SLC4A4: variants seen among roughly 807,000 people sequenced by gnomAD.
The protein encoded by SLC4A4 is electrogenic sodium bicarbonate cotransporter 1.
SLC4A4 carries 27 observed loss-of-function variants against 111.5 expected under a neutral mutation model. The ratio of observed to expected loss-of-function variants is 0.24; its 90% CI spans 0.18 to 0.33. SLC4A4 has a LOEUF of 0.33. SLC4A4 is among the 10% of genes least tolerant of loss of function. SLC4A4 has a pLI of 1.00. For synonymous variants in SLC4A4, 443 were observed against 463.4 expected, an observed-to-expected ratio of 0.96 and a Z score of 0.57; for missense variants, 909 against 1,315.5, an observed-to-expected ratio of 0.69 and a Z score of 4.78.
intron 2 of SLC4A4, among the ~76,000 whole-genome samples, chr4:71,136,014 G>T (rs953244566): frequency 6.6e-6 from 1 of 152,184 alleles, no homozygotes; most frequent in Non-Finnish European, 1.5e-5. Flanking sequence ...CTCTCCTAGA[G>T]GTTCATAGTG....
intron 17 of SLC4A4, 25 bp from the exon 18 acceptor site, chr4:71,534,202 A>G (rs760138923): frequency 1.9e-6 from 3 of 1,612,490 alleles, no homozygotes; most frequent in South Asian, 1.1e-5. Context: ...TAATTTTCTG[A>G]AAAATGTCAT....
intron 2 of SLC4A4, among the ~76,000 whole-genome samples, chr4:71,106,867 T>G (rs1742941906): frequency 6.7e-6 from 1 of 149,938 alleles, no homozygotes; most frequent in African/African-American, 2.5e-5. Context: ...GGCACATGTA[T>G]ACATATGTAA....
chr4:71,416,312 A>AT (rs1287899550), intron 7 of SLC4A4, among the ~76,000 whole-genome samples: 1 of 152,206 alleles, frequency 6.6e-6, no homozygotes, highest in Non-Finnish European at 1.5e-5. Context: ...ATATACTGTG[A>AT]TTTTTCATAT....
At chr4:71,458,637 A>G (rs1010462596) in intron 12 of SLC4A4, among the ~76,000 whole-genome samples, 21 of 152,160 alleles carry the variant, frequency 1.4e-4, no homozygotes, top group African/African-American at 5.1e-4. Context: ...CAAATTTGAG[A>G]CTTTATTTTA....
chr4:71,337,227 G>T lies in SLC4A4; in HGVS notation c.254-2143G>T, dbSNP rs565382753. Reference sequence around the variant, plus strand: ...CTGAAATTTGAACTGTATTGTTAGGGACTATGTTATTTAATCTAAATTGTG... The same window carrying T: ...CTGAAATTTGAACTGTATTGTTAGGTACTATGTTATTTAATCTAAATTGTG... On this transcript the variant is annotated intron_variant, in intron 3 of 25. Coordinates refer to ENST00000264485, the MANE Select transcript of SLC4A4 (RefSeq NM_001098484.3). 5.9e-5 allele frequency among the ~76,000 whole-genome samples: 9 copies of T among 152,204 alleles called. No individual in the cohort carries two copies. In the East Asian group the frequency reaches 1.7e-3, roughly 29 times the overall value.
chr4:71,441,630 T>G (rs558430192), intron 8 of SLC4A4, among the ~76,000 whole-genome samples: 75 of 152,178 alleles, frequency 4.9e-4, no homozygotes, highest in African/African-American at 1.6e-3. Context: ...AGATGGATCC[T>G]CCTCAGCTCA....
intron 6 of SLC4A4, among the ~76,000 whole-genome samples, chr4:71,392,213 A>G (rs1480290708): frequency 2.0e-5 from 3 of 152,080 alleles, no homozygotes; most frequent in Non-Finnish European, 2.9e-5. Context: ...AAGGCTGATT[A>G]AACAGTGCGT....
chr4:71,488,626 C>A (rs940467484), intron 15 of SLC4A4, among the ~76,000 whole-genome samples: 2 of 151,666 alleles, frequency 1.3e-5, no homozygotes, highest in African/African-American at 4.8e-5. Context: ...GAGGGTAAAT[C>A]ACCTTTCTTG....
chr4:71,206,434 A>G (rs1717770898), intron 1 of SLC4A4, among the ~76,000 whole-genome samples: 1 of 152,172 alleles, frequency 6.6e-6, no homozygotes, highest in Admixed American at 6.6e-5. Context: ...ATGGCCCCCC[A>G]AAATGTTAAG....
At chr4:71,564,012 G>GAT in intron 24 of SLC4A4, 123 bp downstream of exon 24, 1 of 703,504 alleles carries the variant, frequency 1.4e-6, no homozygotes, top group Admixed American at 2.2e-5. Context: ...TCTATGAGAA[G>GAT]ATTTACACTT....
At chr4:71,475,087 A>G (rs1380633528) in intron 14 of SLC4A4, among the ~76,000 whole-genome samples, 3 of 151,932 alleles carry the variant, frequency 2.0e-5, no homozygotes, top group African/African-American at 2.4e-5. Context: ...TAATTTATAC[A>G]TAAATATATG....
chr4:71,089,039 A>C (rs931053454), intron 1 of SLC4A4, among the ~76,000 whole-genome samples: 2 of 152,070 alleles, frequency 1.3e-5, no homozygotes, highest in African/African-American at 4.8e-5. Flanking sequence ...CTTTCGGTAC[A>C]CCAGTCAGAG....
intron 3 of SLC4A4, among the ~76,000 whole-genome samples, chr4:71,275,943 G>A (rs1033749179): frequency 1.3e-5 from 2 of 152,224 alleles, no homozygotes; most frequent in African/African-American, 4.8e-5. Flanking sequence ...TCCACGAGAT[G>A]TGGCTGCCAG....
chr4:71,342,340 T>G (rs1210241818), intron 4 of SLC4A4, among the ~76,000 whole-genome samples: 1 of 152,224 alleles, frequency 6.6e-6, no homozygotes, highest in Non-Finnish European at 1.5e-5. Context: ...TTTCTTTTCC[T>G]TCTTTCTGAT....
At chr4:71,154,963 C>T (rs1744419215) in intron 2 of SLC4A4, among the ~76,000 whole-genome samples, 1 of 152,148 alleles carries the variant, frequency 6.6e-6, no homozygotes, top group South Asian at 2.1e-4. Flanking sequence ...TTATACATTA[C>T]CAAAGCTACA....
At chr4:71,361,204 A>G (rs1033768810) in intron 6 of SLC4A4, among the ~76,000 whole-genome samples, 8 of 152,298 alleles carry the variant, frequency 5.3e-5, no homozygotes, top group East Asian at 1.9e-4. Context: ...ACGCACGCAC[A>G]CGTTCATGTA....
At chr4:71,309,115 C>G (rs1274391402) in intron 3 of SLC4A4, among the ~76,000 whole-genome samples, 1 of 152,178 alleles carries the variant, frequency 6.6e-6, no homozygotes, top group African/African-American at 2.4e-5. Context: ...CTGGACGTAA[C>G]TCAACACAGC....
chr4:71,451,487 A>T (rs1200521583), intron 11 of SLC4A4, among the ~76,000 whole-genome samples, 186 bp downstream of exon 11: 19 of 152,200 alleles, frequency 1.2e-4, no homozygotes, highest in Non-Finnish European at 2.9e-5. Context: ...TCCCATAAGG[A>T]TCTTATATTG....
At chr4:71,376,099 GTA>G (rs549749452) in intron 6 of SLC4A4, among the ~76,000 whole-genome samples, 4 of 142,786 alleles carry the variant, frequency 2.8e-5, no homozygotes, top group Non-Finnish European at 4.6e-5. Flanking sequence ...ATATACGTGT[GTA>G]TATATATATA....
Sources: gnomAD v4.1 joint callset for allele counts (sites outside exome capture counted in the v4.1 genomes callset) on GRCh38, gnomAD v4.1.1 for gene constraint, MANE v1.5 for transcripts, NCBI Gene and HGNC (gene_info 2026-07-23, HGNC 2026-07-21) for gene names.